Variants in PLXNB2 observed in about 807,000 individuals in gnomAD.
PLXNB2 encodes the protein plexin B2.
In PLXNB2, 85 loss-of-function variants were observed where a neutral mutation model predicts 202.6. The ratio of observed to expected loss-of-function variants is 0.42; its 90% CI spans 0.35 to 0.50. The LOEUF (loss-of-function observed/expected upper bound fraction) is 0.50, where lower values mean the gene tolerates loss of function less well. PLXNB2 is among the 20% of genes least tolerant of loss of function. The pLI is 0.02. For missense variants in PLXNB2, 2,063 were observed against 2,586.2 expected, an observed-to-expected ratio of 0.80 and a Z score of 4.39; for synonymous variants, 1,239 against 1,137.6, an observed-to-expected ratio of 1.09 and a Z score of -1.79.
intron 2 of PLXNB2, 58 bp downstream of exon 2, chr22:50,294,661 G>A (rs1456086294): frequency 1.2e-5 from 9 of 772,202 alleles, no homozygotes; most frequent in African/African-American, 3.8e-5. Flanking sequence ...AGATACCTCC[G>A]GCCTCCCTGT....
chr22:50,298,213 C>A (rs2067414052), intron 1 of PLXNB2, among the ~76,000 whole-genome samples: 1 of 152,238 alleles, frequency 6.6e-6, no homozygotes, highest in Non-Finnish European at 1.5e-5. Flanking sequence ...CCCAGGCCAA[C>A]AGAGCAGAAG....
At chr22:50,292,426 C>A (rs377048755) in intron 2 of PLXNB2, among the ~76,000 whole-genome samples, 17 of 152,132 alleles carry the variant, frequency 1.1e-4, no homozygotes, top group African/African-American at 4.1e-4. Flanking sequence ...TCTCTGACGG[C>A]CAGGCTGACC....
At chr22:50,299,729 G>A (rs1601772829) in intron 1 of PLXNB2, among the ~76,000 whole-genome samples, 1 of 152,118 alleles carries the variant, frequency 6.6e-6, no homozygotes, top group Admixed American at 6.5e-5. Flanking sequence ...GGGCGAGACC[G>A]GCGGCCCCGC....
In PLXNB2 at chr22:50,275,458, C is replaced by T. The variant is rs761446370; in HGVS notation, c.*246G>A. The T allele has an allele frequency of 1.3e-4, 84 of 636,028 alleles. No individual in the cohort carries two copies. The highest frequency in any genetic ancestry group is 2.1e-4 in the South Asian group (14 of 66,112). The allele number at this position is 636,028 out of a possible 1,614,324, so 39.4% of individuals were successfully genotyped here. A position where few individuals can be genotyped will look rare whatever the true frequency, so the allele number is the denominator to read the frequency against. On this transcript the variant is annotated 3_prime_UTR_variant, in exon 37 of 37. Coordinates refer to ENST00000359337, the MANE Select transcript of PLXNB2 (RefSeq NM_012401.4). ...CACTGGAGACTCGACAGTGAACACCCGATGCTGGTTCTGCGGCCGGAGGGA... is the reference window on the plus strand; with the variant it reads ...CACTGGAGACTCGACAGTGAACACCTGATGCTGGTTCTGCGGCCGGAGGGA...
chr22:50,305,463 A>G (rs1303367916), intron 1 of PLXNB2, among the ~76,000 whole-genome samples: 1 of 152,230 alleles, frequency 6.6e-6, no homozygotes, highest in Non-Finnish European at 1.5e-5. Context: ...AGCATCGCAG[A>G]TGACTCCTCA....
Position 50,287,645 on chromosome 22 carries a change from C to T in PLXNB2, c.1608+22G>A, listed in dbSNP as rs1288933041. On this transcript the variant is annotated intron_variant, in intron 7 of 36. Transcript: ENST00000359337. ...TGGCCCGGCCTGGGGCCCAGGACCCCCACCCCAGACCCACCACGCACCTCC... is the reference window on the plus strand; with the variant it reads ...TGGCCCGGCCTGGGGCCCAGGACCCTCACCCCAGACCCACCACGCACCTCC... The T allele has an allele frequency of 3.3e-6, 5 of 1,531,170 alleles. No homozygotes were observed. In the African/African-American group the frequency reaches 6.9e-5, roughly 21 times the overall value. 94.8% of individuals were successfully genotyped at this position (1,531,170 alleles called of 1,614,324 possible). A position where few individuals can be genotyped will look rare whatever the true frequency, so the allele number is the denominator to read the frequency against.
rs2066784974 is a variant in PLXNB2, at chr22:50,290,459, G to A, written c.126C>T (p.Ala42=). The change falls in exon 3 of 37, where the codon GCC becomes GCT. Residue 42 remains alanine (A), a synonymous_variant. Transcript: ENST00000359337. ...KELNHLAVDE[A]SGVVYLGAVN... is the part of the protein sequence containing the mutation. The stretch of plus-strand genomic sequence containing the variant: ...CCGCCCCCAGGTACACCACGCCTGA[G>A]GCCTCATCCACAGCCAGGTGGTTCA... The A allele has an allele frequency of 6.2e-7, 1 of 1,612,912 alleles. No individual in the cohort carries two copies. Among genetic ancestry groups the A allele is most frequent in the East Asian group, 2.2e-5 (1 of 44,878 alleles).
In PLXNB2 at chr22:50,275,591, G is replaced by A; in HGVS notation, c.*113C>T. 2.7e-6 allele frequency: 2 copies of A among 729,718 alleles called. No homozygotes were observed. The highest frequency in any genetic ancestry group is 3.5e-5 in the South Asian group (2 of 57,464). 45.2% of individuals were successfully genotyped at this position (729,718 alleles called of 1,614,324 possible). A position where few individuals can be genotyped will look rare whatever the true frequency, so the allele number is the denominator to read the frequency against. ...CCGGCTGCACCCACTCCGGCTTGGG[G>A]CGCGTTCCAGGGGAGGGTGGGGGCC... On this transcript the variant is annotated 3_prime_UTR_variant, in exon 37 of 37. Transcript: ENST00000359337.
chr22:50,280,116 C>A, intron 25 of PLXNB2, 45 bp from the exon 26 acceptor site: 1 of 1,484,000 alleles, frequency 6.7e-7, no homozygotes. Context: ...CCGTAGTATT[C>A]CTGAGGCCCA....
intron 1 of PLXNB2, among the ~76,000 whole-genome samples, chr22:50,305,179 C>T (rs1433108466): frequency 6.6e-6 from 1 of 152,218 alleles, no homozygotes; most frequent in Non-Finnish European, 1.5e-5. Context: ...GTGGCTGGCA[C>T]AGGGTGAGGC....
intron 30 of PLXNB2, 49 bp downstream of exon 30, chr22:50,278,386 C>T (rs995797194): frequency 1.6e-5 from 25 of 1,558,700 alleles, no homozygotes; most frequent in Middle Eastern, 1.7e-4. Context: ...ACATGGTCCA[C>T]GCTGACCACC....
Position 50,284,008 on chromosome 22 carries a change from G to A in PLXNB2, c.2264-18C>T, listed in dbSNP as rs371721462. ...GAGGGTCACTGCGGGGAGAGCTGCCGTCAGTGGTCACCCCGTGCCTGCCCG... is the reference window on the plus strand; with the variant it reads ...GAGGGTCACTGCGGGGAGAGCTGCCATCAGTGGTCACCCCGTGCCTGCCCG... On this transcript the variant is annotated intron_variant, in intron 13 of 36. Transcript: ENST00000359337. This position sits in a 1 kb window ranked among gnomAD's most constrained non-coding sequence, Gnocchi z 8.0. The A allele has an allele frequency of 1.0e-4, 157 of 1,532,180 alleles. No homozygotes were observed. Among genetic ancestry groups the A allele is most frequent in the Non-Finnish European group, 1.2e-4 (137 of 1,143,318 alleles). The allele number at this position is 1,532,180 out of a possible 1,614,324, so 94.9% of individuals were successfully genotyped here.
intron 2 of PLXNB2, 69 bp downstream of exon 2, chr22:50,294,650 T>A (rs1305630648): frequency 7.5e-6 from 5 of 663,732 alleles, no homozygotes; most frequent in Non-Finnish European, 7.5e-6. Context: ...ATGGCAGTTC[T>A]AGATACCTCC....
intron 1 of PLXNB2, 131 bp downstream of exon 1, chr22:50,307,422 T>A: frequency 2.5e-6 from 1 of 394,142 alleles, no homozygotes; most frequent in Non-Finnish European, 3.4e-6. Flanking sequence ...CCGGGAGCCC[T>A]CCGCGGAGCC....
chr22:50,281,992 G>A lies in PLXNB2; in HGVS notation c.3207C>T (p.Leu1069=). The change falls in exon 20 of 37, where the codon CTC becomes CTT. Residue 1069 remains leucine (L), a synonymous_variant. Coordinates refer to ENST00000359337, the MANE Select transcript of PLXNB2 (RefSeq NM_012401.4). ...AVPEEPEAYN[L]TVLIEMDGHR... is the part of the protein sequence containing the mutation. ...GCCCGTCCATCTCGATCAGCACCGT[G>A]AGGTTGTAGGCCTCTGGCTCCTCAG... The A allele has an allele frequency of 6.2e-7, 1 of 1,613,106 alleles. No individual in the cohort carries two copies. The highest frequency in any genetic ancestry group is 8.5e-7 in the Non-Finnish European group (1 of 1,179,964).
intron 1 of PLXNB2, among the ~76,000 whole-genome samples, chr22:50,295,414 G>A (rs1227284233): frequency 6.6e-6 from 1 of 151,738 alleles, no homozygotes; most frequent in Non-Finnish European, 1.5e-5. Context: ...TAACTTCTCT[G>A]TGCCTCATTC....
chr22:50,277,461 C>G, intron 33 of PLXNB2, 130 bp downstream of exon 33: 1 of 944,092 alleles, frequency 1.1e-6, no homozygotes, highest in Non-Finnish European at 1.5e-6. Flanking sequence ...CGCCACCCGT[C>G]ACCTCCTACA....
At chr22:50,307,184 G>A (rs926044470) in intron 1 of PLXNB2, among the ~76,000 whole-genome samples, 1 of 152,286 alleles carries the variant, frequency 6.6e-6, no homozygotes, top group African/African-American at 2.4e-5. Context: ...CTGTGCCGCT[G>A]AGCCTGGGGC....
Position 50,287,170 on chromosome 22 carries a change from T to G in PLXNB2, c.1703A>C (p.Glu568Ala). 3.9e-6 allele frequency: 6 copies of G among 1,547,134 alleles called. No individual in the cohort carries two copies. Among genetic ancestry groups the G allele is most frequent in the Non-Finnish European group, 5.2e-6 (6 of 1,145,196 alleles). The change falls in exon 8 of 37, where the codon GAG (glutamate) becomes GCG (alanine). Residue 568 changes from glutamate to alanine, a missense_variant. Physicochemically the swap from Glu to Ala is moderately radical, Grantham distance 107 (BLOSUM62 -1). Around this residue, in one of 2 missense-constraint regions of PLXNB2, gnomAD observed 1,303 missense variants for 1,476.8 expected, o/e 0.88. Coordinates refer to ENST00000359337, the MANE Select transcript of PLXNB2 (RefSeq NM_012401.4). ...GESPPHPARV[E>A]GEAVICNSPS... is the part of the protein sequence containing the mutation. ...GGAGTTGCAGATGACGGCCTCGCCCTCCACGCGGGCGGGGTGTGGCGGCGA... is the reference window on the plus strand; with the variant it reads ...GGAGTTGCAGATGACGGCCTCGCCCGCCACGCGGGCGGGGTGTGGCGGCGA...
Sources: gnomAD v4.1 joint callset for allele counts (sites outside exome capture counted in the v4.1 genomes callset) on GRCh38, gnomAD v4.1.1 for gene constraint, gnomAD v4.1.1 regional missense constraint, Gnocchi (gnomAD v3.1) non-coding constraint, MANE v1.5 for transcripts, NCBI Gene and HGNC (gene_info 2026-07-23, HGNC 2026-07-21) for gene names.